The following HS6ST3 variants were observed in gnomAD, a reference collection of about 807,000 sequenced individuals.
The protein encoded by HS6ST3 is heparan-sulfate 6-O-sulfotransferase 3.
HS6ST3 carries 12 observed loss-of-function variants against 36.7 expected under a neutral mutation model. That is an observed-to-expected ratio of 0.33 (90% CI 0.21 to 0.53). HS6ST3 has a LOEUF of 0.53. Ranked by LOEUF, HS6ST3 falls within the 20% of genes least tolerant of loss-of-function variation. The probability of loss-of-function intolerance (pLI) is 0.95; values close to 1 mark genes in which losing one functional copy is unlikely to be tolerated. For synonymous variants in HS6ST3, 240 were observed against 257.5 expected, an observed-to-expected ratio of 0.93 and a Z score of 0.65; for missense variants, 584 against 640.9, an observed-to-expected ratio of 0.91 and a Z score of 0.96.
intron 1 of HS6ST3, among the ~76,000 whole-genome samples, chr13:96,799,402 C>G (rs566257548): frequency 6.6e-6 from 1 of 152,164 alleles, no homozygotes; most frequent in African/African-American, 2.4e-5. Context: ...CAATGATAGA[C>G]TGGATTAAGA....
At chr13:96,412,502 T>C (rs1380364074) in intron 1 of HS6ST3, among the ~76,000 whole-genome samples, 6 of 152,150 alleles carry the variant, frequency 3.9e-5, no homozygotes, top group Non-Finnish European at 7.4e-5. Flanking sequence ...CCATGATCCA[T>C]CTTATTCTTA....
intron 1 of HS6ST3, among the ~76,000 whole-genome samples, chr13:96,152,333 T>TTTTTTGTTG (rs551626263): frequency 1.5e-4 from 12 of 78,420 alleles, no homozygotes; most frequent in Non-Finnish European, 1.0e-4. Flanking sequence ...TTTTTTTTTT[T>TTTTTTGTTG]TTGTTGTTGT....
intron 1 of HS6ST3, among the ~76,000 whole-genome samples, chr13:96,329,287 T>C (rs1365758436): frequency 6.9e-6 from 1 of 145,592 alleles, no homozygotes; most frequent in East Asian, 2.0e-4. Context: ...GTGTCAATTT[T>C]GGATCTTTCC....
chr13:96,615,803 A>T (rs1212290875), intron 1 of HS6ST3, among the ~76,000 whole-genome samples: 1 of 152,180 alleles, frequency 6.6e-6, no homozygotes, highest in African/African-American at 2.4e-5. Context: ...CTTCTTATGG[A>T]ATGTACCAAA....
intron 1 of HS6ST3, among the ~76,000 whole-genome samples, chr13:96,579,947 A>C (rs1440593287): frequency 6.6e-6 from 1 of 152,150 alleles, no homozygotes; most frequent in Non-Finnish European, 1.5e-5. Flanking sequence ...CTCCTAGATA[A>C]TTGAATGCTG....
chr13:96,731,466 C>CCATGTTTT (rs963207183), intron 1 of HS6ST3, among the ~76,000 whole-genome samples: 6 of 152,088 alleles, frequency 3.9e-5, no homozygotes, highest in African/African-American at 1.4e-4. Context: ...TGTATATATG[C>CCATGTTTT]CATGTTTTCT....
At chr13:96,695,187 G>A (rs1429338032) in intron 1 of HS6ST3, among the ~76,000 whole-genome samples, 1 of 152,074 alleles carries the variant, frequency 6.6e-6, no homozygotes, top group Non-Finnish European at 1.5e-5. Context: ...ACTTCTTTGA[G>A]GCAAAATATT....
intron 1 of HS6ST3, among the ~76,000 whole-genome samples, chr13:96,298,737 T>A (rs896836808): frequency 2.0e-5 from 3 of 152,186 alleles, no homozygotes; most frequent in Non-Finnish European, 4.4e-5. Flanking sequence ...GGTTATCGTG[T>A]TTGACCTCTG....
intron 1 of HS6ST3, among the ~76,000 whole-genome samples, chr13:96,130,159 A>T (rs2053968960): frequency 6.6e-6 from 1 of 152,208 alleles, no homozygotes; most frequent in Non-Finnish European, 1.5e-5. Flanking sequence ...TGGTATATAC[A>T]TTAATTTATA....
rs571352316 is a variant in HS6ST3, at chr13:96,731,611, C to G, written c.708-100879C>G. 2.0e-4 allele frequency among the ~76,000 whole-genome samples: 30 copies of G among 151,960 alleles called. No individual in the cohort carries two copies. The South Asian group carries it at 6.3e-3, about 32-fold the overall frequency. On this transcript the variant is annotated intron_variant, in intron 1 of 1. Coordinates refer to ENST00000376705, the MANE Select transcript of HS6ST3 (RefSeq NM_153456.4). ...CATTTCCTTTGTAAATATATATGCC[C>G]AGTAGTACAGTTGCTGGATCATATG...
chr13:96,237,453 A>G (rs1283235388), intron 1 of HS6ST3, among the ~76,000 whole-genome samples: 1 of 150,190 alleles, frequency 6.7e-6, no homozygotes, highest in Non-Finnish European at 1.5e-5. Flanking sequence ...TCTATTCCTG[A>G]TTTTCTGCCT....
intron 1 of HS6ST3, among the ~76,000 whole-genome samples, chr13:96,276,766 C>T (rs533124898): frequency 6.6e-6 from 1 of 152,200 alleles, no homozygotes; most frequent in South Asian, 2.1e-4. Context: ...TTAAGTGTGC[C>T]AGAATCATCT....
chr13:96,754,917 G>A (rs150880330), intron 1 of HS6ST3, among the ~76,000 whole-genome samples: 2 of 151,682 alleles, frequency 1.3e-5, no homozygotes, highest in East Asian at 1.9e-4. Context: ...ATAATAACAG[G>A]CAATCTCCAT....
chr13:96,716,705 A>G (rs1414960337), intron 1 of HS6ST3, among the ~76,000 whole-genome samples: 1 of 152,148 alleles, frequency 6.6e-6, no homozygotes, highest in Non-Finnish European at 1.5e-5. Flanking sequence ...TATAATCTAG[A>G]TATCTATCTA....
chr13:96,202,344 G>A (rs1196275507), intron 1 of HS6ST3, among the ~76,000 whole-genome samples: 1 of 152,144 alleles, frequency 6.6e-6, no homozygotes, highest in East Asian at 1.9e-4. Context: ...ATGCTTTCTA[G>A]CTACTATCCC....
intron 1 of HS6ST3, among the ~76,000 whole-genome samples, chr13:96,645,078 A>G (rs576920450): frequency 1.4e-4 from 21 of 152,078 alleles, no homozygotes; most frequent in Middle Eastern, 3.4e-3. Context: ...TTTTAAATAA[A>G]TGTATTGCCT....
At position 96,295,440 on chromosome 13, in the gene HS6ST3, G is replaced by A. The variant is rs369577735; in HGVS notation, c.707+203871G>A. 1.9e-4 allele frequency among the ~76,000 whole-genome samples: 29 copies of A among 152,098 alleles called. No homozygotes were observed. In the East Asian group the frequency reaches 3.5e-3, roughly 18 times the overall value. The stretch of plus-strand genomic sequence containing the variant: ...TAACATAACAACAGTTGATGCAATT[G>A]CAAATCTTTCTGTTTAAATAAAGAT... On this transcript the variant is annotated intron_variant, in intron 1 of 1. Transcript: ENST00000376705.
At chr13:96,496,892 A>G (rs2055979704) in intron 1 of HS6ST3, among the ~76,000 whole-genome samples, 1 of 152,172 alleles carries the variant, frequency 6.6e-6, no homozygotes. Flanking sequence ...CCAGGACCAG[A>G]CATAACCATC....
intron 1 of HS6ST3, among the ~76,000 whole-genome samples, chr13:96,124,860 T>C (rs2053943023): frequency 6.6e-6 from 1 of 152,196 alleles, no homozygotes; most frequent in Admixed American, 6.5e-5. Context: ...GTTTAAGGTA[T>C]GGTATGCTAC....
Sources: gnomAD v4.1 joint callset for allele counts (sites outside exome capture counted in the v4.1 genomes callset) on GRCh38, gnomAD v4.1.1 for gene constraint, MANE v1.5 for transcripts, NCBI Gene and HGNC (gene_info 2026-07-23, HGNC 2026-07-21) for gene names.